GPC6: variants seen among roughly 807,000 people sequenced by gnomAD.
The protein encoded by GPC6 is glypican-6.
GPC6 carries 14 observed loss-of-function variants against 55.2 expected under a neutral mutation model. The ratio of observed to expected loss-of-function variants is 0.25; its 90% CI spans 0.17 to 0.40. The LOEUF is 0.40. Among genes scored for constraint, GPC6 ranks in the 10% least tolerant of loss-of-function variants. The probability of loss-of-function intolerance (pLI) is 1.00; values close to 1 mark genes in which losing one functional copy is unlikely to be tolerated. For missense variants in GPC6, 641 were observed against 708.5 expected (o/e 0.90, Z 1.08); for synonymous variants, 278 against 259.6 (o/e 1.07, Z -0.68).
rs118043434 is a variant in GPC6, at chr13:93,329,422, A to T, written c.160+101806A>T. Among the ~76,000 whole-genome samples, 538 of 152,338 alleles carry T rather than the reference A, an allele frequency of 3.5e-3. 3 individuals are homozygous for T. Among genetic ancestry groups the T allele is most frequent in the Non-Finnish European group, 5.7e-3 (389 of 68,030 alleles). ...TTTTTTTCCTTTACAATTCAATTAA[A>T]AACAGTTGGTTACTATGTAAACACT... is the stretch of plus-strand genomic sequence containing the variant. On this transcript the variant is annotated intron_variant, in intron 1 of 8. Coordinates refer to ENST00000377047, the MANE Select transcript of GPC6 (RefSeq NM_005708.5).
intron 3 of GPC6, among the ~76,000 whole-genome samples, chr13:93,854,981 T>TC (rs1457892293): frequency 3.3e-5 from 5 of 151,652 alleles, no homozygotes; most frequent in African/African-American, 1.2e-4. Context: ...GGTATCAATG[T>TC]CCCCACCAGA....
chr13:93,825,137 A>T (rs1887186540), intron 2 of GPC6, among the ~76,000 whole-genome samples: 1 of 152,150 alleles, frequency 6.6e-6, no homozygotes, highest in Non-Finnish European at 1.5e-5. Flanking sequence ...GGCTCTCAGC[A>T]GGTGGGGGTA....
At chr13:93,993,937 TA>T (rs1211072883) in intron 3 of GPC6, among the ~76,000 whole-genome samples, 2 of 152,138 alleles carry the variant, frequency 1.3e-5, no homozygotes, top group Non-Finnish European at 2.9e-5. Context: ...GAATACTGAG[TA>T]AATCCAAAGG....
intron 1 of GPC6, among the ~76,000 whole-genome samples, chr13:93,374,587 C>A (rs981602737): frequency 6.6e-6 from 1 of 152,178 alleles, no homozygotes; most frequent in Non-Finnish European, 1.5e-5. Context: ...ACTACTGTGG[C>A]CTTTGCAGAT....
At chr13:93,221,484 T>A in the GPC6 span, among the ~76,000 whole-genome samples, 1 of 152,160 alleles carries the variant, frequency 6.6e-6, no homozygotes, top group African/African-American at 2.4e-5. Context: ...CCCCATGGTG[T>A]TTGGTTTTCC....
chr13:93,644,214 G>C (rs559781800), intron 2 of GPC6, among the ~76,000 whole-genome samples: 5 of 151,896 alleles, frequency 3.3e-5, no homozygotes, highest in Non-Finnish European at 7.4e-5. Flanking sequence ...AGTTTATACT[G>C]CTGTAAATTC....
chr13:94,322,795 C>T (rs1594167704), intron 6 of GPC6, among the ~76,000 whole-genome samples: 2 of 152,008 alleles, frequency 1.3e-5, no homozygotes, highest in East Asian at 1.9e-4. Flanking sequence ...TCACACGGTG[C>T]GGTTCTGCTG....
At chr13:93,483,703 T>G (rs1215308674) in intron 1 of GPC6, among the ~76,000 whole-genome samples, 1 of 152,100 alleles carries the variant, frequency 6.6e-6, no homozygotes, top group Non-Finnish European at 1.5e-5. Context: ...TCATATGTGG[T>G]TTTATGTTTT....
chr13:94,269,026 T>G (rs138250008), intron 4 of GPC6, among the ~76,000 whole-genome samples: 1 of 152,140 alleles, frequency 6.6e-6, no homozygotes, highest in South Asian at 2.1e-4. Context: ...TCCATTAAGC[T>G]TGTTTTATTT....
intron 4 of GPC6, among the ~76,000 whole-genome samples, chr13:94,223,153 A>G (rs565577839): frequency 1.1e-4 from 17 of 152,270 alleles, no homozygotes; most frequent in African/African-American, 4.1e-4. Flanking sequence ...ATGAAAAAAG[A>G]AGAAGTGTAT....
chr13:93,746,769 C>T (rs1399003261), intron 2 of GPC6, among the ~76,000 whole-genome samples: 1 of 152,106 alleles, frequency 6.6e-6, no homozygotes, highest in Non-Finnish European at 1.5e-5. Flanking sequence ...GACCAAGGTG[C>T]AACAGCTGGG....
intron 4 of GPC6, among the ~76,000 whole-genome samples, chr13:94,030,002 G>A (rs1276177355): frequency 6.8e-6 from 1 of 147,810 alleles, no homozygotes; most frequent in Non-Finnish European, 1.5e-5. Context: ...CTTTCTTCCC[G>A]TCTTTTTTTT....
chr13:93,315,182 C>T (rs1228599800), intron 1 of GPC6, among the ~76,000 whole-genome samples: 7 of 151,834 alleles, frequency 4.6e-5, no homozygotes, highest in African/African-American at 1.7e-4. Context: ...ACATTACATC[C>T]TTTTAAAACA....
chr13:93,325,494 A>G (rs2139129140), intron 1 of GPC6, among the ~76,000 whole-genome samples: 1 of 152,256 alleles, frequency 6.6e-6, no homozygotes, highest in East Asian at 1.9e-4. Context: ...CAGATGAGTG[A>G]GACAGTGAGT....
chr13:93,483,725 C>A (rs139558704), intron 1 of GPC6, among the ~76,000 whole-genome samples: 1 of 152,068 alleles, frequency 6.6e-6, no homozygotes, highest in Non-Finnish European at 1.5e-5. Context: ...ATTAATCATT[C>A]GGCAATAAGA....
intron 3 of GPC6, among the ~76,000 whole-genome samples, chr13:93,903,237 T>G (rs1876463301): frequency 6.6e-6 from 1 of 152,184 alleles, no homozygotes. Flanking sequence ...TACATCAAAG[T>G]AAGATGTAGC....
chr13:93,865,734 T>C (rs1363661249), intron 3 of GPC6, among the ~76,000 whole-genome samples: 6 of 151,726 alleles, frequency 4.0e-5, no homozygotes, highest in African/African-American at 1.2e-4. Context: ...CATGTTTTCA[T>C]TGCCTATGGG....
At chr13:93,461,517 T>C (rs1878687206) in intron 1 of GPC6, among the ~76,000 whole-genome samples, 1 of 152,206 alleles carries the variant, frequency 6.6e-6, no homozygotes, top group South Asian at 2.1e-4. Flanking sequence ...TGTTTCACTA[T>C]ATAAGTATAG....
intron 4 of GPC6, among the ~76,000 whole-genome samples, chr13:94,162,402 G>A (rs1266026880): frequency 6.6e-6 from 1 of 152,202 alleles, no homozygotes; most frequent in African/African-American, 2.4e-5. Context: ...GAACCAATCA[G>A]CTGCTTTGCA....
Sources: gnomAD v4.1 joint callset for allele counts (sites outside exome capture counted in the v4.1 genomes callset) on GRCh38, gnomAD v4.1.1 for gene constraint, MANE v1.5 for transcripts, NCBI Gene and HGNC (gene_info 2026-07-23, HGNC 2026-07-21) for gene names.